The following THADA variants were observed in gnomAD, a reference collection of about 807,000 sequenced individuals.
THADA encodes tRNA (32-2'-O)-methyltransferase regulator THADA.
A neutral mutation model predicts 219.8 loss-of-function variants in THADA; 213 were observed. The observed-to-expected ratio is 0.97, with a 90% CI of 0.87 to 1.09. THADA has a LOEUF of 1.09. Ranked by LOEUF, THADA falls within the 50% of genes least tolerant of loss-of-function variation. THADA has a pLI of 0.00. For synonymous variants in THADA, 1,018 were observed against 828.9 expected (o/e 1.23, Z -3.92); for missense variants, 2,956 against 2,311.3 (o/e 1.28, Z -5.72).
intron 26 of THADA, among the ~76,000 whole-genome samples, chr2:43,477,696 C>G (rs1685704695): frequency 6.6e-6 from 1 of 152,214 alleles, no homozygotes; most frequent in Non-Finnish European, 1.5e-5. Context: ...AAACTAGTCT[C>G]CTGACATGTC....
chr2:43,281,538 T>C (rs991529219), intron 35 of THADA, among the ~76,000 whole-genome samples: 5 of 151,060 alleles, frequency 3.3e-5, no homozygotes. Flanking sequence ...ACCTCCCAGG[T>C]TCAAGTGATT....
rs879310850 is a variant in THADA, at chr2:43,368,566, AT to A, written c.4228-24330del. Among the ~76,000 whole-genome samples, 171 of 142,738 alleles carry A rather than the reference AT, an allele frequency of 1.2e-3. 1 individual carries two copies. Among genetic ancestry groups the A allele is most frequent in the South Asian group, 7.8e-3 (35 of 4,464 alleles). The allele number at this position is 142,738 out of a possible 152,430, so 93.6% of individuals were successfully genotyped here. A position where few individuals can be genotyped will look rare whatever the true frequency, so the allele number is the denominator to read the frequency against. On this transcript the variant is annotated intron_variant, in intron 29 of 37. Coordinates refer to ENST00000405975, the MANE Select transcript of THADA (RefSeq NM_022065.5). ...TGTGTGCCAGCCACCATGTCCGGCTATTTTTTTTTTTTGTGGAGACAGGGTC... is the reference window on the plus strand; with the variant it reads ...TGTGTGCCAGCCACCATGTCCGGCTATTTTTTTTTTTGTGGAGACAGGGTC...
rs1428363434 is a variant in THADA, at chr2:43,297,347, T to C, written c.4439-4134A>G. Among the ~76,000 whole-genome samples the C allele has an allele frequency of 1.4e-4, 12 of 82,930 alleles. 1 individual carries two copies. The highest frequency in any genetic ancestry group is 6.0e-4 in the East Asian group (2 of 3,356). 54.4% of individuals were successfully genotyped at this position (82,930 alleles called of 152,430 possible). On this transcript the variant is annotated intron_variant, in intron 31 of 37. Coordinates refer to ENST00000405975, the MANE Select transcript of THADA (RefSeq NM_022065.5). ...GTGAGGAGCCCCTCCGCCCGGCAGC[T>C]GCCCCGTCTGAGAAGTGAGGAGCCT...
At chr2:43,342,150 AGGCTACAGTGAGCC>A in intron 30 of THADA, among the ~76,000 whole-genome samples, 2 of 152,312 alleles carry the variant, frequency 1.3e-5, no homozygotes, top group East Asian at 3.9e-4. Flanking sequence ...CAGGAGGTCA[AGGCTACAGTGAGCC>A]GTGGTAGCGC....
In THADA at chr2:43,574,480, G is replaced by A. The variant is rs1360185311; in HGVS notation, c.1585C>T (p.Pro529Ser). ...IDQWHETWVS[P>S]LLFILCEGNL... ...CCTTCACACAATATAAAAAGGAGAG[G>A]AGAAACCCAAGTCTCATGCCACTGG... Residue 529 changes from proline to serine, a missense_variant, in exon 11 of 38, where the codon CCT becomes TCT. Transcript: ENST00000405975. The A allele has an allele frequency of 3.1e-6, 5 of 1,613,676 alleles. No homozygotes were observed. Among genetic ancestry groups the A allele is most frequent in the Non-Finnish European group, 4.2e-6 (5 of 1,179,824 alleles).
At chr2:43,255,420 A>T (rs1670206520) in intron 36 of THADA, among the ~76,000 whole-genome samples, 1 of 152,214 alleles carries the variant, frequency 6.6e-6, no homozygotes, top group Non-Finnish European at 1.5e-5. Flanking sequence ...GGGTTACAAG[A>T]GGCTTTGATC....
At position 43,515,074 on chromosome 2, in the gene THADA, TAATATATATA is replaced by T. The variant is rs1318645784; in HGVS notation, c.3375-6304_3375-6295del. Reference sequence around the variant, plus strand: ...TTTTATATATAATATATTTTATATATAATATATATAAATATATATATTATATATAATATAT... The same window carrying T: ...TTTTATATATAATATATTTTATATATAATATATATATTATATATAATATAT... On this transcript the variant is annotated intron_variant, in intron 22 of 37. Transcript: ENST00000405975. 2.9e-3 allele frequency among the ~76,000 whole-genome samples: 126 copies of T among 43,876 alleles called. 1 individual carries two copies. Among genetic ancestry groups the T allele is most frequent in the African/African-American group, 0.011 (116 of 10,260 alleles). The allele number at this position is 43,876 out of a possible 152,430, so 28.8% of individuals were successfully genotyped here.
In THADA at chr2:43,292,350, T is replaced by C. The variant is rs1242139962; in HGVS notation, c.4819-128A>G. On this transcript the variant is annotated intron_variant, in intron 32 of 37. Coordinates refer to ENST00000405975, the MANE Select transcript of THADA (RefSeq NM_022065.5). ...TCAAAAGGCTCCCACTGACTTCTTATTTCCCCCATAATACCTTTGGGAGAC... is the reference window on the plus strand; with the variant it reads ...TCAAAAGGCTCCCACTGACTTCTTACTTCCCCCATAATACCTTTGGGAGAC... 29 of 602,828 alleles carry C rather than the reference T, an allele frequency of 4.8e-5. No individual in the cohort carries two copies. The East Asian group carries it at 7.4e-4, about 15-fold the overall frequency. The allele number at this position is 602,828 out of a possible 1,614,324, so 37.3% of individuals were successfully genotyped here.
At chr2:43,256,352 T>G (rs1239534156) in intron 36 of THADA, among the ~76,000 whole-genome samples, 1 of 144,306 alleles carries the variant, frequency 6.9e-6, no homozygotes, top group Non-Finnish European at 1.5e-5. Flanking sequence ...TCTCTTCTAC[T>G]TTTTTTTTTT....
chr2:43,506,243 A>G (rs923142698), intron 23 of THADA, among the ~76,000 whole-genome samples: 57 of 152,350 alleles, frequency 3.7e-4, no homozygotes, highest in Non-Finnish European at 7.2e-4. Context: ...AAATCAAAGC[A>G]TTTGAAACTC....
At chr2:43,401,060 T>C (rs1290160790) in intron 28 of THADA, among the ~76,000 whole-genome samples, 1 of 152,164 alleles carries the variant, frequency 6.6e-6, no homozygotes, top group African/African-American at 2.4e-5. Context: ...TCGAAGGTCA[T>C]TTCTACTTTT....
intron 24 of THADA, among the ~76,000 whole-genome samples, chr2:43,499,161 T>C (rs1467620626): frequency 6.6e-6 from 1 of 152,170 alleles, no homozygotes; most frequent in Non-Finnish European, 1.5e-5. Flanking sequence ...CAAACAATGC[T>C]ATAAAAAAGT....
chr2:43,272,287 A>T (rs114014083), intron 36 of THADA, among the ~76,000 whole-genome samples: 82 of 152,274 alleles, frequency 5.4e-4, no homozygotes, highest in African/African-American at 1.9e-3. Flanking sequence ...CCAGATTAAG[A>T]TGGGAAGCCA....
At chr2:43,257,536 G>T (rs10188539) in intron 36 of THADA, among the ~76,000 whole-genome samples, 1 of 152,004 alleles carries the variant, frequency 6.6e-6, no homozygotes. Flanking sequence ...CCCTTCACTC[G>T]ACCACCTCAG....
chr2:43,266,571 C>T (rs1671542148), intron 36 of THADA, among the ~76,000 whole-genome samples: 1 of 152,122 alleles, frequency 6.6e-6, no homozygotes, highest in Admixed American at 6.5e-5. Context: ...CCACTGCACT[C>T]CAGCCTGGGC....
chr2:43,497,931 G>C (rs1558858737), intron 25 of THADA, among the ~76,000 whole-genome samples: 1 of 151,954 alleles, frequency 6.6e-6, no homozygotes, highest in Non-Finnish European at 1.5e-5. Context: ...CAGGTTGGTA[G>C]GTGCAGCAAA....
rs552585823 is a variant in THADA, at chr2:43,403,174, T to C, written c.4059-5035A>G. Among the ~76,000 whole-genome samples the C allele has an allele frequency of 5.9e-5, 9 of 152,320 alleles. No individual in the cohort carries two copies. In the East Asian group the frequency reaches 1.5e-3, roughly 26 times the overall value. The stretch of plus-strand genomic sequence containing the variant: ...GCATTTTAATTAGGGTCTGTCTACC[T>C]ACAAAATTCAGTCTTTCTAAGACTT... On this transcript the variant is annotated intron_variant, in intron 28 of 37. Coordinates refer to ENST00000405975, the MANE Select transcript of THADA (RefSeq NM_022065.5).
chr2:43,405,045 G>T (rs1006816246), intron 28 of THADA, among the ~76,000 whole-genome samples: 1 of 152,154 alleles, frequency 6.6e-6, no homozygotes, highest in African/African-American at 2.4e-5. Flanking sequence ...TACCAAACAG[G>T]CTCCAAGTGC....
At position 43,558,367 on chromosome 2, in the gene THADA, T is replaced by C. The variant is rs150716192; in HGVS notation, c.2464-1812A>G. Among the ~76,000 whole-genome samples the C allele has an allele frequency of 1.1e-4, 16 of 152,308 alleles. No individual in the cohort carries two copies. The East Asian group carries it at 3.1e-3, about 29-fold the overall frequency. ...AAAGAAAGACTTTGGAAATATAATA[T>C]TGTGATGGTTAATACTGAGTGTCAG... On this transcript the variant is annotated intron_variant, in intron 16 of 37. Transcript: ENST00000405975.
Sources: allele counts gnomAD v4.1 joint callset (sites outside exome capture counted in the v4.1 genomes callset), GRCh38; gene constraint gnomAD v4.1.1; transcripts MANE v1.5; gene names NCBI Gene and HGNC (gene_info 2026-07-23, HGNC 2026-07-21).